The following ELFN2 variants were observed in gnomAD, a reference collection of about 807,000 sequenced individuals.
ELFN2 encodes protein phosphatase 1 regulatory subunit 29.
A neutral mutation model predicts 45.5 loss-of-function variants in ELFN2; 17 were observed. The ratio of observed to expected loss-of-function variants is 0.37; its 90% CI spans 0.26 to 0.56. ELFN2 has a LOEUF of 0.56. Among genes scored for constraint, ELFN2 ranks in the 20% least tolerant of loss-of-function variants. The pLI, the probability that ELFN2 is intolerant of heterozygous loss-of-function variation, is 0.77. For missense variants in ELFN2, 922 were observed against 1,183.2 expected (o/e 0.78, Z 3.24); for synonymous variants, 550 against 551.5 (o/e 1.00, Z 0.04).
At chr22:37,360,143 G>C (rs997078843) in intron 1 of ELFN2, among the ~76,000 whole-genome samples, 1 of 151,754 alleles carries the variant, frequency 6.6e-6, no homozygotes, top group Non-Finnish European at 1.5e-5. Flanking sequence ...ATCTGGTCTA[G>C]AGTTGAGTCT....
At chr22:37,376,444 C>A (rs1931589630) in intron 2 of ELFN2, among the ~76,000 whole-genome samples, 1 of 152,182 alleles carries the variant, frequency 6.6e-6, no homozygotes, top group African/African-American at 2.4e-5. Context: ...CTGCACACGA[C>A]AAGCAGGCCC....
chr22:37,419,539 G>A (rs1183852501), intron 1 of ELFN2, among the ~76,000 whole-genome samples: 1 of 151,924 alleles, frequency 6.6e-6, no homozygotes, highest in East Asian at 1.9e-4. Flanking sequence ...GCCCACGCTG[G>A]TGCCAAAATG....
intron 1 of ELFN2, among the ~76,000 whole-genome samples, chr22:37,421,559 T>A (rs1164874063): frequency 6.6e-6 from 1 of 152,142 alleles, no homozygotes; most frequent in Non-Finnish European, 1.5e-5. Context: ...GAGGTTCCCG[T>A]GTCTCACCTC....
intron 2 of ELFN2, among the ~76,000 whole-genome samples, chr22:37,393,660 C>T (rs1932138521): frequency 1.3e-5 from 2 of 152,190 alleles, no homozygotes; most frequent in Non-Finnish European, 2.9e-5. Flanking sequence ...AAGCTGAGGC[C>T]AGTGAGGTCA....
chr22:37,374,170 G>T lies in ELFN2; in HGVS notation c.1365C>A (p.Ala455=), dbSNP rs7292855. ...CGGGAGGCTCGCCCAGCTTCTGGGC[G>T]GCGTGCACAATGGAGCCGGCATCCA... ...ADVDAGSIVH[A]AQKLGEPPVL... The change falls in exon 3 of 3, where the codon GCC becomes GCA. Residue 455 remains alanine, a synonymous_variant. Coordinates refer to ENST00000402918, the MANE Select transcript of ELFN2 (RefSeq NM_052906.5). 4 of 1,613,000 alleles carry T rather than the reference G, an allele frequency of 2.5e-6. No homozygotes were observed. The highest frequency in any genetic ancestry group is 1.7e-5 in the Admixed American group (1 of 59,996).
chr22:37,406,624 TG>T (rs1194571458), intron 2 of ELFN2, among the ~76,000 whole-genome samples: 1 of 151,778 alleles, frequency 6.6e-6, no homozygotes, highest in Non-Finnish European at 1.5e-5. Context: ...TTAGGGAAAC[TG>T]GGGAGCGAGG....
At chr22:37,381,825 C>G (rs1023966840) in intron 2 of ELFN2, among the ~76,000 whole-genome samples, 1 of 151,866 alleles carries the variant, frequency 6.6e-6, no homozygotes, top group Non-Finnish European at 1.5e-5. Flanking sequence ...TCCCCTGACT[C>G]GGCTGAGTCA....
At chr22:37,400,225 AC>A (rs1043842675) in intron 2 of ELFN2, among the ~76,000 whole-genome samples, 4 of 149,092 alleles carry the variant, frequency 2.7e-5, no homozygotes, top group Admixed American at 6.6e-5. Context: ...CCTCGTGTCT[AC>A]CCCCATCCCA....
In ELFN2 at chr22:37,370,211, C is replaced by A; in HGVS notation, c.*2861G>T. On this transcript the variant is annotated 3_prime_UTR_variant, in exon 3 of 3. Transcript: ENST00000402918. ...GCCCCTGTCCCTGCAGTCAGAGAGT[C>A]TGAGGTTTCCTAAATATCTTCACGC... The A allele has an allele frequency of 6.6e-6, 1 of 152,348 alleles. No individual in the cohort carries two copies. 9.4% of individuals were successfully genotyped at this position (152,348 alleles called of 1,614,324 possible). A position where few individuals can be genotyped will look rare whatever the true frequency, so the allele number is the denominator to read the frequency against.
intron 1 of ELFN2, among the ~76,000 whole-genome samples, chr22:37,343,118 G>A (rs1051501165): frequency 2.0e-5 from 3 of 152,060 alleles, no homozygotes; most frequent in East Asian, 1.9e-4. Flanking sequence ...CAGAGGGACC[G>A]GAACTTGCCG....
intron 2 of ELFN2, among the ~76,000 whole-genome samples, chr22:37,408,430 G>A (rs937080432): frequency 4.6e-5 from 7 of 152,238 alleles, no homozygotes; most frequent in South Asian, 2.1e-4. Flanking sequence ...CTCACTGCAC[G>A]GAATTCTCAC....
chr22:37,413,828 C>T (rs761423909), intron 2 of ELFN2, among the ~76,000 whole-genome samples: 22 of 152,164 alleles, frequency 1.4e-4, no homozygotes, highest in Non-Finnish European at 2.9e-4. Context: ...TGGCACAAGC[C>T]CCCCCTAAGA....
At chr22:37,388,250 C>T (rs189579392) in intron 2 of ELFN2, among the ~76,000 whole-genome samples, 69 of 152,206 alleles carry the variant, frequency 4.5e-4, no homozygotes, top group African/African-American at 1.5e-3. Context: ...TTGTGGGAGC[C>T]GCTGCCTGTT....
At chr22:37,406,759 T>C (rs572579093) in intron 2 of ELFN2, among the ~76,000 whole-genome samples, 3 of 152,354 alleles carry the variant, frequency 2.0e-5, no homozygotes, top group African/African-American at 4.8e-5. Flanking sequence ...ATGACACCCC[T>C]TTCCCCTAAA....
rs1932779445 is a variant in ELFN2 at position 37,417,994 on chromosome 22, A to C, written c.-613-75T>G. ...AGAGGGAGGGGGGACAGCAGGAGGG[A>C]GGGAGGAGGGAAAAATGCTGAAGTC... On this transcript the variant is annotated intron_variant, in intron 1 of 2. Coordinates refer to ENST00000402918, the MANE Select transcript of ELFN2 (RefSeq NM_052906.5). This position sits in a 1 kb window ranked among gnomAD's most constrained non-coding sequence, Gnocchi z 4.5. 6.6e-6 allele frequency: 1 copy of C among 150,976 alleles called. No individual in the cohort carries two copies. The allele number at this position is 150,976 out of a possible 1,614,324, so 9.4% of individuals were successfully genotyped here.
At chr22:37,418,114 G>A (rs1327878667) in intron 1 of ELFN2, among the ~76,000 whole-genome samples, 195 bp from the exon 2 acceptor site, 1 of 152,174 alleles carries the variant, frequency 6.6e-6, no homozygotes, top group African/African-American at 2.4e-5. Flanking sequence ...GGTAAAGGGA[G>A]AGGAGGAATG....
Position 37,417,806 on chromosome 22 carries a change from C to T in ELFN2, c.-500G>A. 6.5e-6 allele frequency: 1 copy of T among 153,060 alleles called. No homozygotes were observed. Among genetic ancestry groups the T allele is most frequent in the South Asian group, 2.1e-4 (1 of 4,844 alleles). 9.5% of individuals were successfully genotyped at this position (153,060 alleles called of 1,614,324 possible). A position where few individuals can be genotyped will look rare whatever the true frequency, so the allele number is the denominator to read the frequency against. The stretch of plus-strand genomic sequence containing the variant: ...GCAGAGGAGGCCCCTCCGGCACTGT[C>T]CCCAACCTGGGTCTCAGAAAGGTTC... On this transcript the variant is annotated 5_prime_UTR_variant, in exon 2 of 3. Transcript: ENST00000402918. This position sits in a 1 kb window ranked among gnomAD's most constrained non-coding sequence, Gnocchi z 4.5.
At chr22:37,422,516 C>A (rs556883691) in intron 1 of ELFN2, among the ~76,000 whole-genome samples, 11 of 151,524 alleles carry the variant, frequency 7.3e-5, no homozygotes, top group African/African-American at 2.4e-4. Context: ...ACCAGCCTAA[C>A]CAACATAGTG....
chr22:37,355,309 G>A (rs1416013640), intron 1 of ELFN2, among the ~76,000 whole-genome samples: 1 of 152,230 alleles, frequency 6.6e-6, no homozygotes, highest in Non-Finnish European at 1.5e-5. Context: ...TCCCCACCTC[G>A]AGTCAGCCTC....
Sources: allele counts gnomAD v4.1 joint callset (sites outside exome capture counted in the v4.1 genomes callset), GRCh38; gene constraint gnomAD v4.1.1; non-coding constraint Gnocchi (gnomAD v3.1); transcripts MANE v1.5; gene names NCBI Gene and HGNC (gene_info 2026-07-23, HGNC 2026-07-21).